Variants in PAM observed in about 807,000 individuals in gnomAD.
PAM encodes the protein peptidylglycine alpha-amidating monooxygenase, also known as peptidyl-glycine alpha-amidating monooxygenase.
In PAM, 72 loss-of-function variants were observed where a neutral mutation model predicts 122.1. The ratio of observed to expected loss-of-function variants is 0.59; its 90% CI spans 0.49 to 0.72. The LOEUF (loss-of-function observed/expected upper bound fraction) is 0.72. PAM is among the 30% of genes least tolerant of loss of function. The pLI, the probability that PAM is intolerant of heterozygous loss-of-function variation, is 0.00. For synonymous variants in PAM, 389 were observed against 404.4 expected, an observed-to-expected ratio of 0.96 and a Z score of 0.46; for missense variants, 1,106 against 1,183.7, an observed-to-expected ratio of 0.93 and a Z score of 0.96.
intron 11 of PAM, 92 bp from the exon 12 acceptor site, chr5:102,950,625 G>A: frequency 1.3e-6 from 1 of 755,978 alleles, no homozygotes; most frequent in Non-Finnish European, 2.3e-6. Flanking sequence ...CAAAAAAGGG[G>A]TAAAGGAGGA....
At position 102,862,060 on chromosome 5, in the gene PAM, C is replaced by T. The variant is rs181670477; in HGVS notation, c.-373-3763C>T. Among the ~76,000 whole-genome samples the T allele has an allele frequency of 3.0e-4, 45 of 151,548 alleles. 1 individual carries two copies. In the East Asian group the frequency reaches 8.2e-3, roughly 28 times the overall value. Reference sequence around the variant, plus strand: ...TGGTGTATGTCTGTAGTCCCGGCTACTCGGGAGGCTGAGACAGGAGGACTG... The same window carrying T: ...TGGTGTATGTCTGTAGTCCCGGCTATTCGGGAGGCTGAGACAGGAGGACTG... On this transcript the variant is annotated intron_variant, in intron 1 of 25. Coordinates refer to ENST00000438793, the MANE Select transcript of PAM (RefSeq NM_001177306.2).
At chr5:102,810,098 T>C (rs1219430076) in intron 1 of PAM, among the ~76,000 whole-genome samples, 2 of 152,220 alleles carry the variant, frequency 1.3e-5, no homozygotes, top group Non-Finnish European at 2.9e-5. Flanking sequence ...TAATATAGTC[T>C]AAGCTAAATT....
chr5:102,953,703 C>A (rs903146121), intron 12 of PAM, among the ~76,000 whole-genome samples: 2 of 152,022 alleles, frequency 1.3e-5, no homozygotes, highest in African/African-American at 4.8e-5. Context: ...AGAGGAATGT[C>A]AAATATTTCA....
intron 16 of PAM, among the ~76,000 whole-genome samples, chr5:102,998,146 C>A (rs1405093911): frequency 6.6e-6 from 1 of 152,140 alleles, no homozygotes; most frequent in Non-Finnish European, 1.5e-5. Flanking sequence ...GGAGGGAAAC[C>A]TTTTTACTTT....
intron 12 of PAM, among the ~76,000 whole-genome samples, chr5:102,954,836 C>T (rs1760188618): frequency 6.6e-6 from 1 of 151,958 alleles, no homozygotes; most frequent in Non-Finnish European, 1.5e-5. Context: ...ACAATATTTA[C>T]CAATTTGGTC....
intron 14 of PAM, among the ~76,000 whole-genome samples, chr5:102,970,357 G>A (rs62362521): frequency 0.26 from 38,813 of 152,136 alleles, 5,617 homozygotes; most frequent in East Asian, 0.43. Flanking sequence ...GCAGCTATTA[G>A]GTTGGACAGT....
rs560296649 is a variant in PAM, at chr5:102,761,957, C to T, written c.-374+6609C>T. Among the ~76,000 whole-genome samples, 6 of 152,200 alleles carry T rather than the reference C, an allele frequency of 3.9e-5. No homozygotes were observed. The South Asian group carries it at 8.3e-4, about 21-fold the overall frequency. ...CAAATTCAGTGAATTCTGGGAGAGC[C>T]GAGGTCATATGCTATTAGGGTTTGT... is the stretch of plus-strand genomic sequence containing the variant. On this transcript the variant is annotated intron_variant, in intron 1 of 25. Transcript: ENST00000438793.
chr5:102,852,088 C>G (rs1178198864), intron 1 of PAM, among the ~76,000 whole-genome samples: 2 of 152,174 alleles, frequency 1.3e-5, no homozygotes, highest in Non-Finnish European at 2.9e-5. Context: ...GTATCTATCC[C>G]TGAATCAATG....
At chr5:102,984,343 C>T (rs994501616) in intron 15 of PAM, among the ~76,000 whole-genome samples, 1 of 152,122 alleles carries the variant, frequency 6.6e-6, no homozygotes, top group African/African-American at 2.4e-5. Flanking sequence ...CGTAAAAACT[C>T]ACTTCACCTG....
intron 16 of PAM, among the ~76,000 whole-genome samples, chr5:102,996,681 G>A (rs766202133): frequency 6.6e-6 from 1 of 152,196 alleles, no homozygotes; most frequent in Non-Finnish European, 1.5e-5. Flanking sequence ...AATCATCTGA[G>A]TAAATGAATG....
intron 1 of PAM, among the ~76,000 whole-genome samples, chr5:102,779,470 T>C (rs1580955417): frequency 1.3e-5 from 2 of 151,728 alleles, no homozygotes; most frequent in Non-Finnish European, 2.9e-5. Flanking sequence ...ACCACTCAGA[T>C]AAAGTATTCC....
chr5:102,840,364 G>T (rs1778254748), intron 1 of PAM, among the ~76,000 whole-genome samples: 1 of 152,052 alleles, frequency 6.6e-6, no homozygotes, highest in South Asian at 2.1e-4. Context: ...TGTAAGCTTT[G>T]TGACAAAAAT....
intron 5 of PAM, among the ~76,000 whole-genome samples, chr5:102,923,476 G>T (rs1345598420): frequency 6.6e-6 from 1 of 152,150 alleles, no homozygotes; most frequent in East Asian, 1.9e-4. Flanking sequence ...AAGCTTTTCA[G>T]ATCTGCCTAC....
chr5:102,927,761 CTAATAAATATATATAAAT>C (rs1424220656), intron 7 of PAM, among the ~76,000 whole-genome samples: 2 of 148,924 alleles, frequency 1.3e-5, no homozygotes, highest in Non-Finnish European at 1.5e-5. Flanking sequence ...TATTAATACA[CTAATAAATATATATAAAT>C]TAATATATAT....
chr5:103,023,602 T>C (rs1784224152), intron 23 of PAM, among the ~76,000 whole-genome samples: 1 of 152,028 alleles, frequency 6.6e-6, no homozygotes, highest in Non-Finnish European at 1.5e-5. Flanking sequence ...ATTTGAACCA[T>C]TTCTAGGTCT....
intron 7 of PAM, among the ~76,000 whole-genome samples, chr5:102,927,461 G>C (rs1224782862): frequency 6.6e-6 from 1 of 152,022 alleles, no homozygotes; most frequent in East Asian, 1.9e-4. Flanking sequence ...ATATTCTCCT[G>C]AATTCTCTAA....
At chr5:102,970,082 A>C (rs995202444) in intron 14 of PAM, among the ~76,000 whole-genome samples, 1 of 152,172 alleles carries the variant, frequency 6.6e-6, no homozygotes, top group Non-Finnish European at 1.5e-5. Flanking sequence ...AGAGTCTATT[A>C]GCATTGGCAA....
chr5:102,898,739 AAAC>A (rs1796865015), intron 3 of PAM, among the ~76,000 whole-genome samples: 1 of 151,612 alleles, frequency 6.6e-6, no homozygotes, highest in Non-Finnish European at 1.5e-5. Context: ...TTAATCAACT[AAAC>A]AACTAAAATT....
chr5:102,940,523 G>A (rs955179115), intron 7 of PAM, among the ~76,000 whole-genome samples: 1 of 148,394 alleles, frequency 6.7e-6, no homozygotes, highest in Non-Finnish European at 1.5e-5. Context: ...TATATCAGAG[G>A]TAAGAAAGTG....
Sources: allele counts gnomAD v4.1 joint callset (sites outside exome capture counted in the v4.1 genomes callset), GRCh38; gene constraint gnomAD v4.1.1; transcripts MANE v1.5; gene names NCBI Gene and HGNC (gene_info 2026-07-23, HGNC 2026-07-21).